ZNF431: variants seen among roughly 807,000 people sequenced by gnomAD.
ZNF431 encodes the protein zinc finger protein 431.
Under a neutral mutation model 57.0 loss-of-function variants are expected in ZNF431, and 34 were observed. The ratio of observed to expected loss-of-function variants is 0.60; its 90% CI spans 0.45 to 0.79. The LOEUF (loss-of-function observed/expected upper bound fraction) is 0.79. Among genes scored for constraint, ZNF431 ranks in the 30% least tolerant of loss-of-function variants. ZNF431 has a pLI of 0.00. For synonymous variants in ZNF431, 207 were observed against 220.3 expected (o/e 0.94, Z 0.54); for missense variants, 607 against 667.1 (o/e 0.91, Z 0.99).
chr19:21,147,901 C>G (rs1324671659), intron 2 of ZNF431, among the ~76,000 whole-genome samples: 1 of 152,004 alleles, frequency 6.6e-6, no homozygotes, highest in African/African-American at 2.4e-5. Context: ...CAGTTGACAG[C>G]CTTTTCTGTG....
At chr19:21,177,743 A>G (rs1042233789) in intron 4 of ZNF431, among the ~76,000 whole-genome samples, 2 of 152,128 alleles carry the variant, frequency 1.3e-5, no homozygotes, top group Admixed American at 6.6e-5. Flanking sequence ...AGCTGAGATC[A>G]TGCCATTGCA....
At chr19:21,159,227 G>A (rs1208827497) in intron 2 of ZNF431, among the ~76,000 whole-genome samples, 1 of 152,094 alleles carries the variant, frequency 6.6e-6, no homozygotes, top group Non-Finnish European at 1.5e-5. Context: ...GTATTTTGTT[G>A]AGAAAGTTTT....
At chr19:21,174,829 T>C (rs1459332855) in intron 4 of ZNF431, among the ~76,000 whole-genome samples, 2 of 152,154 alleles carry the variant, frequency 1.3e-5, no homozygotes, top group African/African-American at 4.8e-5. Flanking sequence ...TGGAGAGCAA[T>C]GGCATCGATC....
chr19:21,171,716 T>G (rs12983958), intron 4 of ZNF431, among the ~76,000 whole-genome samples: 1 of 9,440 alleles, frequency 1.1e-4, no homozygotes, highest in African/African-American at 2.3e-4. Flanking sequence ...ATATATATTT[T>G]TTTTTTTTTT....
In ZNF431 at chr19:21,188,642, G is replaced by A. The variant is rs1599629292; in HGVS notation, c.*4608G>A. 6.6e-6 allele frequency: 1 copy of A among 152,152 alleles called. No homozygotes were observed. The highest frequency in any genetic ancestry group is 1.9e-4 in the East Asian group (1 of 5,204). The allele number at this position is 152,152 out of a possible 1,614,324, so 9.4% of individuals were successfully genotyped here. ...ATTTTTTATATATTTTTTAGTGGGAGAGGTTTAGTCTACAGTTTTTATTTT... is the reference window on the plus strand; with the variant it reads ...ATTTTTTATATATTTTTTAGTGGGAAAGGTTTAGTCTACAGTTTTTATTTT... On this transcript the variant is annotated 3_prime_UTR_variant, in exon 5 of 5. Coordinates refer to ENST00000311048, the MANE Select transcript of ZNF431 (RefSeq NM_133473.4).
intron 4 of ZNF431, among the ~76,000 whole-genome samples, chr19:21,177,054 G>A (rs1349218815): frequency 6.6e-6 from 1 of 152,102 alleles, no homozygotes; most frequent in Admixed American, 6.6e-5. Context: ...ATTTGTCAAT[G>A]TTTGCTTTTC....
intron 4 of ZNF431, among the ~76,000 whole-genome samples, chr19:21,174,405 A>G (rs1970992410): frequency 6.6e-6 from 1 of 152,090 alleles, no homozygotes; most frequent in Non-Finnish European, 1.5e-5. Flanking sequence ...TATATTTTGG[A>G]GCCCTTATGT....
At chr19:21,166,302 A>C (rs761997298) in intron 2 of ZNF431, 33 bp from the exon 3 acceptor site, 1 of 1,604,618 alleles carries the variant, frequency 6.2e-7, no homozygotes, top group Non-Finnish European at 8.5e-7. Flanking sequence ...CACTTGGTAA[A>C]TATATGTGTG....
At chr19:21,177,048 G>C (rs868820455) in intron 4 of ZNF431, among the ~76,000 whole-genome samples, 3 of 152,126 alleles carry the variant, frequency 2.0e-5, no homozygotes, top group African/African-American at 7.2e-5. Flanking sequence ...GATCCCATTT[G>C]TCAATGTTTG....
chr19:21,148,895 T>G (rs7259520), intron 2 of ZNF431, among the ~76,000 whole-genome samples: 22,498 of 152,202 alleles, frequency 0.15, 1,957 homozygotes, highest in Non-Finnish European at 0.21. Context: ...CTTACTTAGC[T>G]GTAAAACAGG....
At chr19:21,158,210 GTTC>G (rs1289196902) in intron 2 of ZNF431, among the ~76,000 whole-genome samples, 1 of 151,636 alleles carries the variant, frequency 6.6e-6, no homozygotes, top group Non-Finnish European at 1.5e-5. Context: ...GACTTTTGTT[GTTC>G]TTGAGACAGA....
At chr19:21,144,430 C>T (rs974398310) in intron 2 of ZNF431, among the ~76,000 whole-genome samples, 1 of 152,042 alleles carries the variant, frequency 6.6e-6, no homozygotes, top group African/African-American at 2.4e-5. Context: ...TCTCGAACTC[C>T]TGACCTCAGA....
intron 3 of ZNF431, among the ~76,000 whole-genome samples, chr19:21,166,713 G>A (rs1490062967): frequency 6.6e-6 from 1 of 152,034 alleles, no homozygotes; most frequent in Non-Finnish European, 1.5e-5. Context: ...AAATTTAGTG[G>A]CATAAAATAT....
intron 4 of ZNF431, among the ~76,000 whole-genome samples, chr19:21,170,483 A>C (rs1437017673): frequency 6.6e-6 from 1 of 152,130 alleles, no homozygotes; most frequent in African/African-American, 2.4e-5. Context: ...ATATGCTAGA[A>C]TTTACATGTT....
Position 21,182,882 on chromosome 19 carries a change from A to G in ZNF431, c.579A>G (p.Arg193=), listed in dbSNP as rs1971247728. The change falls in exon 5 of 5, where the codon AGA becomes AGG. Residue 193 remains arginine, a synonymous_variant. Transcript: ENST00000311048. ...KVFHKFLNAN[R]HKTRHTGKKP... is the part of the protein sequence containing the mutation. ...TTCATAAATTTTTAAATGCAAATAG[A>G]CATAAGACAAGACATACTGGAAAGA... 2 of 1,614,048 alleles carry G rather than the reference A, an allele frequency of 1.2e-6. No individual in the cohort carries two copies. The highest frequency in any genetic ancestry group is 1.7e-6 in the Non-Finnish European group (2 of 1,179,942).
At chr19:21,156,245 C>G (rs1383557747) in intron 2 of ZNF431, among the ~76,000 whole-genome samples, 1 of 152,272 alleles carries the variant, frequency 6.6e-6, no homozygotes, top group East Asian at 1.9e-4. Flanking sequence ...GCCACCTGTT[C>G]ATAATCTCAT....
chr19:21,171,615 C>G lies in ZNF431; in HGVS notation c.319+3949C>G, dbSNP rs1178393188. ...TATATATTCTTTCTTAACTGATTTTCAGTGGCTGTTTTATCTTGTCTAAGT... is the reference window on the plus strand; with the variant it reads ...TATATATTCTTTCTTAACTGATTTTGAGTGGCTGTTTTATCTTGTCTAAGT... On this transcript the variant is annotated intron_variant, in intron 4 of 4. Transcript: ENST00000311048. 1.2e-4 allele frequency among the ~76,000 whole-genome samples: 18 copies of G among 149,268 alleles called. No individual in the cohort carries two copies. The Admixed American group carries it at 1.2e-3, about 10-fold the overall frequency.
intron 4 of ZNF431, among the ~76,000 whole-genome samples, chr19:21,171,721 T>A (rs1301886872): frequency 0.011 from 1,377 of 128,982 alleles, 59 homozygotes; most frequent in African/African-American, 0.023. Context: ...TATTTTTTTT[T>A]TTTTTTTTTT....
In ZNF431 at chr19:21,186,826, CA is replaced by C. The variant is rs1599627209; in HGVS notation, c.*2793del. ...ATTCCAAAAGTAGTGTATTAAGTTA[CA>C]TTTTATTTAGTTAGAGCACTCCATT... is the stretch of plus-strand genomic sequence containing the variant. On this transcript the variant is annotated 3_prime_UTR_variant, in exon 5 of 5. Transcript: ENST00000311048. The C allele has an allele frequency of 1.3e-5, 2 of 152,008 alleles. No homozygotes were observed. Among genetic ancestry groups the C allele is most frequent in the Admixed American group, 1.3e-4 (2 of 15,258 alleles). The allele number at this position is 152,008 out of a possible 1,614,324, so 9.4% of individuals were successfully genotyped here. A position where few individuals can be genotyped will look rare whatever the true frequency, so the allele number is the denominator to read the frequency against.
Sources: allele counts gnomAD v4.1 joint callset (sites outside exome capture counted in the v4.1 genomes callset), GRCh38; gene constraint gnomAD v4.1.1; transcripts MANE v1.5; gene names NCBI Gene and HGNC (gene_info 2026-07-23, HGNC 2026-07-21).